CA8: variants seen among roughly 807,000 people sequenced by gnomAD.
CA8 encodes the protein carbonic anhydrase-related protein.
A neutral mutation model predicts 41.4 loss-of-function variants in CA8; 22 were observed. That is an observed-to-expected ratio of 0.53 (90% confidence interval 0.38 to 0.76). The LOEUF (loss-of-function observed/expected upper bound fraction) is 0.76, where lower values mean the gene tolerates loss of function less well. Among genes scored for constraint, CA8 ranks in the 30% least tolerant of loss-of-function variants. CA8 has a pLI of 0.00. For synonymous variants in CA8, 121 were observed against 130.6 expected, an observed-to-expected ratio of 0.93 and a Z score of 0.50; for missense variants, 270 against 352.8, an observed-to-expected ratio of 0.77 and a Z score of 1.88.
intron 3 of CA8, among the ~76,000 whole-genome samples, chr8:60,262,297 G>A (rs1404513215): frequency 6.8e-6 from 1 of 147,990 alleles, no homozygotes. Context: ...CAGTGGAATG[G>A]TGAATGCATA....
chr8:60,265,304 C>T (rs1416887607), intron 3 of CA8: 1 of 154,234 alleles, frequency 6.5e-6, no homozygotes, highest in Non-Finnish European at 1.4e-5. Flanking sequence ...CCCTATCAAG[C>T]ATACAGGGAG....
chr8:60,270,470 C>T (rs2130611359), intron 2 of CA8, among the ~76,000 whole-genome samples: 1 of 152,332 alleles, frequency 6.6e-6, no homozygotes, highest in African/African-American at 2.4e-5. Flanking sequence ...GGCTGGAGTG[C>T]AGTGGTGTGA....
chr8:60,185,793 T>C lies in CA8; in HGVS notation c.*4228A>G, dbSNP rs1805947548. Among the ~76,000 whole-genome samples, 3 of 151,810 alleles carry C rather than the reference T, an allele frequency of 2.0e-5. No individual in the cohort carries two copies. The highest frequency in any genetic ancestry group is 7.3e-5 in the African/African-American group (3 of 41,346). ...CAGATTTGCCTTATATAAAAATATA[T>C]TAAAAAAAGGACTTCTGCCTGGAAT... On this transcript the variant is annotated 3_prime_UTR_variant, in exon 9 of 9. Coordinates refer to ENST00000317995, the MANE Select transcript of CA8 (RefSeq NM_004056.6).
intron 2 of CA8, among the ~76,000 whole-genome samples, chr8:60,267,596 A>C (rs1339100650): frequency 1.3e-5 from 2 of 152,176 alleles, no homozygotes; most frequent in Non-Finnish European, 2.9e-5. Context: ...CGGGATGAAG[A>C]GGGGCTGAAT....
intron 3 of CA8, among the ~76,000 whole-genome samples, chr8:60,263,149 T>A (rs962292378): frequency 1.3e-4 from 20 of 151,960 alleles, no homozygotes; most frequent in Middle Eastern, 3.4e-3. Context: ...GAGACCAGCC[T>A]GGTCAACATG....
At chr8:60,203,423 G>T (rs752438911) in intron 8 of CA8, among the ~76,000 whole-genome samples, 24 of 152,046 alleles carry the variant, frequency 1.6e-4, no homozygotes, top group Non-Finnish European at 2.8e-4. Flanking sequence ...TTTTAATAAA[G>T]TTTCAATTCC....
rs1585946787 is a variant in CA8, at chr8:60,280,968, C to A, written c.100+80G>T. ...TGGGGGTGCTCGGAGCGCGCAGCGG[C>A]AGCAGGACTCGAGTCCCGCGCTCGG... On this transcript the variant is annotated intron_variant, in intron 1 of 8. Transcript: ENST00000317995. 3.0e-6 allele frequency: 3 copies of A among 1,014,566 alleles called. No individual in the cohort carries two copies. In the East Asian group the frequency reaches 7.2e-5, roughly 24 times the overall value. 62.8% of individuals were successfully genotyped at this position (1,014,566 alleles called of 1,614,324 possible).
Position 60,224,603 on chromosome 8 carries a change from AT to A in CA8, c.577-19del. 1 of 1,410,376 alleles carries A rather than the reference AT, an allele frequency of 7.1e-7. No homozygotes were observed. Among genetic ancestry groups the A allele is most frequent in the Non-Finnish European group, 1.0e-6 (1 of 996,866 alleles). The allele number at this position is 1,410,376 out of a possible 1,614,324, so 87.4% of individuals were successfully genotyped here. On this transcript the variant is annotated intron_variant, in intron 5 of 8. Coordinates refer to ENST00000317995, the MANE Select transcript of CA8 (RefSeq NM_004056.6). ...GACTTCCCCTGAAAAAGAAAAAAAT[AT>A]TTACCCAATGTTAATGTAATATTTC...
chr8:60,271,607 C>A (rs1400212244), intron 2 of CA8, among the ~76,000 whole-genome samples: 3 of 151,982 alleles, frequency 2.0e-5, no homozygotes, highest in African/African-American at 7.2e-5. Flanking sequence ...AATAAAATAT[C>A]CTAATTAAAG....
chr8:60,190,265 AC>A (rs899421859), intron 8 of CA8, among the ~76,000 whole-genome samples: 5 of 151,622 alleles, frequency 3.3e-5, no homozygotes, highest in African/African-American at 1.2e-4. Flanking sequence ...TATTTTACAA[AC>A]AAAAAATATG....
chr8:60,198,395 T>TG (rs34231282), intron 8 of CA8, among the ~76,000 whole-genome samples: 8,515 of 152,306 alleles, frequency 0.056, 260 homozygotes, highest in South Asian at 0.1. Context: ...AAATAAGCTT[T>TG]GATCAAAACT....
intron 4 of CA8, among the ~76,000 whole-genome samples, chr8:60,231,540 AAT>A (rs1465464029): frequency 6.6e-6 from 1 of 152,186 alleles, no homozygotes; most frequent in African/African-American, 2.4e-5. Context: ...CAGGTTATCC[AAT>A]AGGCAGCCCA....
intron 3 of CA8, among the ~76,000 whole-genome samples, chr8:60,245,151 C>A (rs1181640461): frequency 3.3e-5 from 5 of 151,968 alleles, no homozygotes; most frequent in Admixed American, 6.5e-5. Flanking sequence ...TGAGACAATG[C>A]AAAGAACACA....
At position 60,281,342 on chromosome 8, in the gene CA8, A is replaced by C. The variant is rs564082119; in HGVS notation, c.-195T>G. ...CGTGCGTTCGGACCGAGTGTTCCAG[A>C]GACCCGCGTGGGAAGCGCGTCCGGA... On this transcript the variant is annotated 5_prime_UTR_variant, in exon 1 of 9. Coordinates refer to ENST00000317995, the MANE Select transcript of CA8 (RefSeq NM_004056.6). 5.9e-4 allele frequency: 343 copies of C among 584,704 alleles called. 1 individual carries two copies. Among genetic ancestry groups the C allele is most frequent in the African/African-American group, 4.0e-3 (206 of 51,646 alleles). The allele number at this position is 584,704 out of a possible 1,614,324, so 36.2% of individuals were successfully genotyped here.
Position 60,224,463 on chromosome 8 carries a change from T to C in CA8, c.625+74A>G, listed in dbSNP as rs1006569147. 170 of 889,598 alleles carry C rather than the reference T, an allele frequency of 1.9e-4. No individual in the cohort carries two copies. The African/African-American group carries it at 2.6e-3, about 13-fold the overall frequency. 55.1% of individuals were successfully genotyped at this position (889,598 alleles called of 1,614,324 possible). On this transcript the variant is annotated intron_variant, in intron 6 of 8. Coordinates refer to ENST00000317995, the MANE Select transcript of CA8 (RefSeq NM_004056.6). ...TTTATTAATTAACAATATATAGTTTTACATAGTCTGAAGAAAACAATGTGA... is the reference window on the plus strand; with the variant it reads ...TTTATTAATTAACAATATATAGTTTCACATAGTCTGAAGAAAACAATGTGA...
chr8:60,265,794 T>G, intron 3 of CA8, 131 bp downstream of exon 3: 2 of 1,037,644 alleles, frequency 1.9e-6, no homozygotes, highest in South Asian at 2.9e-5. Context: ...ATTAAGCATT[T>G]TTTAAATTTT....
chr8:60,230,127 G>T (rs893567321), intron 4 of CA8, among the ~76,000 whole-genome samples: 1 of 152,140 alleles, frequency 6.6e-6, no homozygotes, highest in Non-Finnish European at 1.5e-5. Context: ...GATAATGAAG[G>T]TTGTCAGGCA....
At chr8:60,195,060 A>G (rs1407059679) in intron 8 of CA8, among the ~76,000 whole-genome samples, 3 of 152,226 alleles carry the variant, frequency 2.0e-5, no homozygotes, top group Non-Finnish European at 4.4e-5. Flanking sequence ...AACACTTTGA[A>G]TATATGAAGT....
intron 2 of CA8, among the ~76,000 whole-genome samples, chr8:60,268,524 T>C (rs912953518): frequency 3.3e-5 from 5 of 152,206 alleles, no homozygotes; most frequent in African/African-American, 4.8e-5. Context: ...TTAACAGCAA[T>C]GAACCCTTTC....
Sources: gnomAD v4.1 joint callset for allele counts (sites outside exome capture counted in the v4.1 genomes callset) on GRCh38, gnomAD v4.1.1 for gene constraint, MANE v1.5 for transcripts, NCBI Gene and HGNC (gene_info 2026-07-23, HGNC 2026-07-21) for gene names.